GABRB1: variants seen among roughly 807,000 people sequenced by gnomAD.
The protein encoded by GABRB1 is gamma-aminobutyric acid receptor subunit beta-1.
GABRB1 carries 17 observed loss-of-function variants against 51.6 expected under a neutral mutation model. The observed-to-expected ratio is 0.33, with a 90% CI of 0.23 to 0.49. The LOEUF is 0.49. Among genes scored for constraint, GABRB1 ranks in the 20% least tolerant of loss-of-function variants. The probability of loss-of-function intolerance (pLI) is 0.99; values close to 1 mark genes in which losing one functional copy is unlikely to be tolerated. For missense variants in GABRB1, 410 were observed against 600.6 expected, an observed-to-expected ratio of 0.68 and a Z score of 3.32; for synonymous variants, 247 against 218.9, an observed-to-expected ratio of 1.13 and a Z score of -1.14.
At chr4:47,051,336 G>T (rs896731594) in intron 3 of GABRB1, among the ~76,000 whole-genome samples, 1 of 152,150 alleles carries the variant, frequency 6.6e-6, no homozygotes, top group Non-Finnish European at 1.5e-5. Context: ...TATAAGAAAA[G>T]TTGAAAGCAG....
intron 5 of GABRB1, among the ~76,000 whole-genome samples, chr4:47,341,266 C>T (rs1725883383): frequency 6.6e-6 from 1 of 152,156 alleles, no homozygotes; most frequent in South Asian, 2.1e-4. Flanking sequence ...GTTATAAAAG[C>T]AATCCGAAAT....
At chr4:47,390,403 C>T (rs1727945067) in intron 5 of GABRB1, among the ~76,000 whole-genome samples, 3 of 152,192 alleles carry the variant, frequency 2.0e-5, no homozygotes, top group Admixed American at 2.0e-4. Flanking sequence ...AGACCATCCC[C>T]CTAGCTCTAT....
upstream of GABRB1, among the ~76,000 whole-genome samples, chr4:47,030,818 T>C (rs1297201860): frequency 6.6e-6 from 1 of 152,124 alleles, no homozygotes; most frequent in African/African-American, 2.4e-5. Flanking sequence ...AGATTTTTCT[T>C]ATCACAACCT....
At position 47,207,757 on chromosome 4, in the gene GABRB1, T is replaced by C. The variant is rs1720194071; in HGVS notation, c.461+46288T>C. ...AGAGCTAGCTATTCAATTGCATTTA[T>C]GCAGATTTCCATTCTTTTCCACTTC... On this transcript the variant is annotated intron_variant, in intron 4 of 8. Coordinates refer to ENST00000295454, the MANE Select transcript of GABRB1 (RefSeq NM_000812.4). Among the ~76,000 whole-genome samples, 4 of 150,780 alleles carry C rather than the reference T, an allele frequency of 2.7e-5. 1 individual carries two copies. In the South Asian group the frequency reaches 8.4e-4, roughly 32 times the overall value.
At chr4:47,368,855 C>T (rs1056070401) in intron 5 of GABRB1, among the ~76,000 whole-genome samples, 5 of 152,016 alleles carry the variant, frequency 3.3e-5, no homozygotes, top group African/African-American at 7.2e-5. Context: ...TGCCTGTAAT[C>T]GCAACACTTT....
At chr4:47,136,323 G>A (rs970295262) in intron 3 of GABRB1, among the ~76,000 whole-genome samples, 1 of 151,982 alleles carries the variant, frequency 6.6e-6, no homozygotes, top group Non-Finnish European at 1.5e-5. Flanking sequence ...CCTGGAACAG[G>A]TGTCCTTCTT....
chr4:47,381,845 TA>T (rs1727609574), intron 5 of GABRB1, among the ~76,000 whole-genome samples: 1 of 152,216 alleles, frequency 6.6e-6, no homozygotes, highest in South Asian at 2.1e-4. Context: ...TTTGTATGTG[TA>T]AACATGCTTC....
intron 3 of GABRB1, among the ~76,000 whole-genome samples, chr4:47,130,443 T>G (rs1053011180): frequency 1.3e-5 from 2 of 151,676 alleles, no homozygotes; most frequent in African/African-American, 4.8e-5. Flanking sequence ...AAAATACAGT[T>G]CCTTCTCCAA....
At chr4:47,034,919 G>A (rs898925477) in intron 3 of GABRB1, among the ~76,000 whole-genome samples, 4 of 151,936 alleles carry the variant, frequency 2.6e-5, no homozygotes, top group Non-Finnish European at 4.4e-5. Context: ...AGCATGTTTC[G>A]GTGCCCTGAT....
At chr4:47,256,854 G>A (rs150741753) in intron 4 of GABRB1, among the ~76,000 whole-genome samples, 176 of 152,228 alleles carry the variant, frequency 1.2e-3, no homozygotes, top group African/African-American at 3.9e-3. Flanking sequence ...AGATTTGGAC[G>A]TGGACACAAA....
intron 4 of GABRB1, among the ~76,000 whole-genome samples, chr4:47,278,613 A>G (rs1260519560): frequency 8.5e-6 from 1 of 117,556 alleles, no homozygotes; most frequent in Non-Finnish European, 1.7e-5. Flanking sequence ...TCCAAGCCCT[A>G]GGTTTTTGCC....
chr4:47,414,766 T>G lies in GABRB1; in HGVS notation c.1080+7840T>G, dbSNP rs548115736. Among the ~76,000 whole-genome samples the G allele has an allele frequency of 1.1e-3, 162 of 152,336 alleles. 2 individuals are homozygous for G. The highest frequency in any genetic ancestry group is 6.5e-4 in the Non-Finnish European group (44 of 68,030). On this transcript the variant is annotated intron_variant, in intron 8 of 8. Transcript: ENST00000295454. ...AAACACTTTCAGACAACTTTCTAAA[T>G]GTAAATCAGCTCTGTATTGTGGTTA...
chr4:47,071,057 A>T (rs1727316253), intron 3 of GABRB1, among the ~76,000 whole-genome samples: 1 of 152,166 alleles, frequency 6.6e-6, no homozygotes, highest in African/African-American at 2.4e-5. Context: ...AAGCAACACC[A>T]TTCTTCTAAT....
chr4:47,380,020 A>C (rs1465291218), intron 5 of GABRB1, among the ~76,000 whole-genome samples: 2 of 152,204 alleles, frequency 1.3e-5, no homozygotes, highest in African/African-American at 4.8e-5. Context: ...CACTAAATCA[A>C]TGGCAACTAT....
At chr4:47,277,915 C>A (rs934113140) in intron 4 of GABRB1, among the ~76,000 whole-genome samples, 2 of 151,776 alleles carry the variant, frequency 1.3e-5, no homozygotes, top group Non-Finnish European at 2.9e-5. Flanking sequence ...CCTTTGTAAT[C>A]CTTTCTTTGA....
intron 1 of GABRB1, among the ~76,000 whole-genome samples, chr4:46,997,873 C>T (rs1193260362): frequency 6.6e-6 from 1 of 152,134 alleles, no homozygotes. Context: ...ATGAATAATG[C>T]TGCAATAAAC....
chr4:47,181,223 C>T (rs1356210865), intron 4 of GABRB1, among the ~76,000 whole-genome samples: 4 of 151,750 alleles, frequency 2.6e-5, no homozygotes, highest in African/African-American at 9.7e-5. Context: ...ATATCTTTTC[C>T]TTTTTTGAAC....
At chr4:47,100,528 G>A (rs1431192290) in intron 3 of GABRB1, among the ~76,000 whole-genome samples, 1 of 151,980 alleles carries the variant, frequency 6.6e-6, no homozygotes, top group African/African-American at 2.4e-5. Flanking sequence ...TTTAAGTAAA[G>A]TGGGACCCTT....
intron 5 of GABRB1, among the ~76,000 whole-genome samples, chr4:47,368,068 C>T (rs1727050526): frequency 6.6e-6 from 1 of 152,164 alleles, no homozygotes; most frequent in Non-Finnish European, 1.5e-5. Context: ...GCAGAAAGCT[C>T]TGGGAGTGGG....
Sources: gnomAD v4.1 joint callset for allele counts (sites outside exome capture counted in the v4.1 genomes callset) on GRCh38, gnomAD v4.1.1 for gene constraint, MANE v1.5 for transcripts, NCBI Gene and HGNC (gene_info 2026-07-23, HGNC 2026-07-21) for gene names.